Variants in RAB11A observed in about 807,000 individuals in gnomAD.
RAB11A encodes ras-related protein Rab-11A.
Under a neutral mutation model 28.0 loss-of-function variants are expected in RAB11A, and 9 were observed. The ratio of observed to expected loss-of-function variants is 0.32; its 90% confidence interval spans 0.19 to 0.56. RAB11A has a LOEUF of 0.56. RAB11A is among the 20% of genes least tolerant of loss of function. The probability of loss-of-function intolerance (pLI) is 0.91; values close to 1 mark genes in which losing one functional copy is unlikely to be tolerated. For missense variants in RAB11A, 108 were observed against 269.6 expected (o/e 0.40, Z 4.20); for synonymous variants, 85 against 88.2 (o/e 0.96, Z 0.20).
intron 1 of RAB11A, among the ~76,000 whole-genome samples, chr15:65,875,036 A>G (rs760767325): frequency 2.6e-5 from 4 of 151,730 alleles, no homozygotes; most frequent in Non-Finnish European, 4.4e-5. Flanking sequence ...CGACAGTGAG[A>G]CCCTGTCTCA....
At chr15:65,880,100 C>T (rs1270305642) in intron 4 of RAB11A, among the ~76,000 whole-genome samples, 1 of 152,076 alleles carries the variant, frequency 6.6e-6, no homozygotes, top group African/African-American at 2.4e-5. Flanking sequence ...ATATAAATGC[C>T]CTTTTTTAAA....
At chr15:65,878,837 A>G (rs898989008) in intron 3 of RAB11A, among the ~76,000 whole-genome samples, 3 of 152,218 alleles carry the variant, frequency 2.0e-5, no homozygotes, top group African/African-American at 4.8e-5. Flanking sequence ...ACTATAGCCA[A>G]TGTAGTTGAT....
In RAB11A at chr15:65,891,478, G is replaced by A. The variant is rs911457814; in HGVS notation, c.*3638G>A. On this transcript the variant is annotated 3_prime_UTR_variant, in exon 5 of 5. Coordinates refer to ENST00000261890, the MANE Select transcript of RAB11A (RefSeq NM_004663.5). ...ATGATAGAGCACTGGACTGAGTAACGAAGAGATTCTAGTCATGGCTCTTGT... is the reference window on the plus strand; with the variant it reads ...ATGATAGAGCACTGGACTGAGTAACAAAGAGATTCTAGTCATGGCTCTTGT... The A allele has an allele frequency of 6.6e-6, 1 of 152,212 alleles. No homozygotes were observed. Among genetic ancestry groups the A allele is most frequent in the East Asian group, 1.9e-4 (1 of 5,204 alleles). The allele number at this position is 152,212 out of a possible 1,614,324, so 9.4% of individuals were successfully genotyped here. A position where few individuals can be genotyped will look rare whatever the true frequency, so the allele number is the denominator to read the frequency against.
In RAB11A at chr15:65,877,656, T is replaced by G; in HGVS notation, c.237-106T>G. On this transcript the variant is annotated intron_variant, in intron 2 of 4. Coordinates refer to ENST00000261890, the MANE Select transcript of RAB11A (RefSeq NM_004663.5). The surrounding 1 kb of genome is among the most constrained non-coding windows in gnomAD (Gnocchi z 4.1). ...TCTAGTATTAGGAATCCTTAGAAAT[T>G]TATTTATAAGTATGTTTTTAAAACT... 7.5e-7 allele frequency: 1 copy of G among 1,325,016 alleles called. No individual in the cohort carries two copies. The highest frequency in any genetic ancestry group is 1.0e-6 in the Non-Finnish European group (1 of 974,042). The allele number at this position is 1,325,016 out of a possible 1,614,324, so 82.1% of individuals were successfully genotyped here. A position where few individuals can be genotyped will look rare whatever the true frequency, so the allele number is the denominator to read the frequency against.
rs1261791673 is a variant in RAB11A, at chr15:65,872,307, A to T, written c.40+2682A>T. On this transcript the variant is annotated intron_variant, in intron 1 of 4. Transcript: ENST00000261890. Reference sequence around the variant, plus strand: ...GGTTCAACTACAAGAGCATTTAAATATTATTAAAGAAAATAAAACTAGGAA... The same window carrying T: ...GGTTCAACTACAAGAGCATTTAAATTTTATTAAAGAAAATAAAACTAGGAA... Among the ~76,000 whole-genome samples, 3 of 151,640 alleles carry T rather than the reference A, an allele frequency of 2.0e-5. No individual in the cohort carries two copies. The East Asian group carries it at 5.9e-4, about 30-fold the overall frequency.
Position 65,877,251 on chromosome 15 carries a change from A to G in RAB11A, c.41-81A>G, listed in dbSNP as rs889562672. The G allele has an allele frequency of 2.6e-5, 32 of 1,221,470 alleles. No individual in the cohort carries two copies. Among genetic ancestry groups the G allele is most frequent in the Non-Finnish European group, 3.2e-5 (28 of 881,126 alleles). 75.7% of individuals were successfully genotyped at this position (1,221,470 alleles called of 1,614,324 possible). ...TCTTGCTTTATTTACTCTGAAGCCA[A>G]ACTTCATTCTGTTGAAAGCATAGTG... is the stretch of plus-strand genomic sequence containing the variant. On this transcript the variant is annotated intron_variant, in intron 1 of 4. Coordinates refer to ENST00000261890, the MANE Select transcript of RAB11A (RefSeq NM_004663.5). This position sits in a 1 kb window ranked among gnomAD's most constrained non-coding sequence, Gnocchi z 4.1.
intron 1 of RAB11A, among the ~76,000 whole-genome samples, chr15:65,873,885 C>T (rs1052778517): frequency 6.6e-6 from 1 of 152,090 alleles, no homozygotes; most frequent in Non-Finnish European, 1.5e-5. Context: ...CCACTGTGTC[C>T]TGCCTTGAAC....
At chr15:65,871,659 G>C (rs1266364623) in intron 1 of RAB11A, among the ~76,000 whole-genome samples, 1 of 152,030 alleles carries the variant, frequency 6.6e-6, no homozygotes, top group East Asian at 1.9e-4. Context: ...TTTTTGATTA[G>C]ACCATCCTTC....
In RAB11A at chr15:65,890,608, C is replaced by T. The variant is rs892030923; in HGVS notation, c.*2768C>T. ...CACTTCTTGAGTTTGGGTTGCCCAT[C>T]AGAGCTGGTCACATTTCTTTGATCA... On this transcript the variant is annotated 3_prime_UTR_variant, in exon 5 of 5. Transcript: ENST00000261890. 1 of 152,166 alleles carries T rather than the reference C, an allele frequency of 6.6e-6. No homozygotes were observed. The highest frequency in any genetic ancestry group is 6.5e-5 in the Admixed American group (1 of 15,280). The allele number at this position is 152,166 out of a possible 1,614,324, so 9.4% of individuals were successfully genotyped here.
intron 4 of RAB11A, among the ~76,000 whole-genome samples, chr15:65,883,845 C>G (rs933719318): frequency 6.6e-5 from 10 of 151,980 alleles, no homozygotes; most frequent in African/African-American, 2.4e-4. Flanking sequence ...CCGCCCCTGG[C>G]CTTATTCTGC....
rs758755234 is a variant in RAB11A, at chr15:65,889,233, C to A, written c.*1393C>A. 7 of 152,278 alleles carry A rather than the reference C, an allele frequency of 4.6e-5. No homozygotes were observed. The highest frequency in any genetic ancestry group is 3.9e-4 in the Admixed American group (6 of 15,276). 9.4% of individuals were successfully genotyped at this position (152,278 alleles called of 1,614,324 possible). A position where few individuals can be genotyped will look rare whatever the true frequency, so the allele number is the denominator to read the frequency against. On this transcript the variant is annotated 3_prime_UTR_variant, in exon 5 of 5. Coordinates refer to ENST00000261890, the MANE Select transcript of RAB11A (RefSeq NM_004663.5). ...TTCATAGTTAATCTTTTGTCTCTTG[C>A]GGTGCTCATGATGTGTGGGGCACAC...
At chr15:65,881,025 A>G (rs2078219267) in intron 4 of RAB11A, among the ~76,000 whole-genome samples, 1 of 152,190 alleles carries the variant, frequency 6.6e-6, no homozygotes, top group Admixed American at 6.5e-5. Context: ...TATCCCTGGT[A>G]TATAGAGAAC....
chr15:65,878,015 C>G (rs1436000590), intron 3 of RAB11A, 60 bp downstream of exon 3: 2 of 1,400,492 alleles, frequency 1.4e-6, no homozygotes, highest in Non-Finnish European at 1.0e-6. Context: ...TTGATACCTT[C>G]CAATGAGAGT....
intron 1 of RAB11A, among the ~76,000 whole-genome samples, chr15:65,871,472 T>C (rs533321918): frequency 2.0e-5 from 3 of 152,366 alleles, no homozygotes; most frequent in South Asian, 2.1e-4. Context: ...TTTTGAAATA[T>C]GGTATAATGG....
In RAB11A at chr15:65,878,405, C is replaced by T. The variant is rs1378776812; in HGVS notation, c.430+450C>T. ...TTGTGGCTAGTGAAAGTCTTGCGGC[C>T]GGGCGTGGTGGCTCATGCCTGTAAT... is the stretch of plus-strand genomic sequence containing the variant. On this transcript the variant is annotated intron_variant, in intron 3 of 4. Transcript: ENST00000261890. 2.6e-5 allele frequency among the ~76,000 whole-genome samples: 4 copies of T among 152,248 alleles called. No homozygotes were observed. In the East Asian group the frequency reaches 5.8e-4, roughly 22 times the overall value.
chr15:65,872,073 T>C (rs2078165193), intron 1 of RAB11A, among the ~76,000 whole-genome samples: 1 of 151,644 alleles, frequency 6.6e-6, no homozygotes, highest in Admixed American at 6.6e-5. Context: ...ACTCTCTAGC[T>C]CCTAGGAGTA....
chr15:65,873,759 A>G (rs976076728), intron 1 of RAB11A, among the ~76,000 whole-genome samples: 1 of 151,076 alleles, frequency 6.6e-6, no homozygotes, highest in African/African-American at 2.4e-5. Flanking sequence ...CAGAAATAAA[A>G]TTTTCTTTTT....
intron 4 of RAB11A, among the ~76,000 whole-genome samples, chr15:65,880,932 G>A (rs1490875073): frequency 6.6e-6 from 1 of 152,086 alleles, no homozygotes; most frequent in African/African-American, 2.4e-5. Context: ...GTAACCCTTA[G>A]CAAAGAATGG....
chr15:65,882,811 A>T (rs1345692392), intron 4 of RAB11A, among the ~76,000 whole-genome samples: 2 of 152,160 alleles, frequency 1.3e-5, no homozygotes, highest in East Asian at 3.8e-4. Context: ...GTCTTTTCTC[A>T]GGTTCACTAA....
Sources: gnomAD v4.1 joint callset for allele counts (sites outside exome capture counted in the v4.1 genomes callset) on GRCh38, gnomAD v4.1.1 for gene constraint, Gnocchi (gnomAD v3.1) non-coding constraint, MANE v1.5 for transcripts, NCBI Gene and HGNC (gene_info 2026-07-23, HGNC 2026-07-21) for gene names.